VDAC1: variants seen among roughly 807,000 people sequenced by gnomAD.
VDAC1 encodes non-selective voltage-gated ion channel VDAC1.
In VDAC1, 10 loss-of-function variants were observed where a neutral mutation model predicts 34.7. The observed-to-expected ratio is 0.29, with a 90% CI of 0.18 to 0.49. The LOEUF (loss-of-function observed/expected upper bound fraction) is 0.49, where lower values mean the gene tolerates loss of function less well. VDAC1 is among the 20% of genes least tolerant of loss of function. The pLI is 0.99. For synonymous variants in VDAC1, 130 were observed against 136.0 expected (o/e 0.96, Z 0.30); for missense variants, 230 against 347.9 (o/e 0.66, Z 2.69).
the VDAC1 span, among the ~76,000 whole-genome samples, chr5:134,060,952 T>G: frequency 7.0e-6 from 1 of 142,346 alleles, no homozygotes; most frequent in Non-Finnish European, 1.5e-5. Flanking sequence ...ATCAGCTCAC[T>G]GCAACCTCCA....
chr5:134,061,088 C>T, the VDAC1 span, among the ~76,000 whole-genome samples: 1 of 150,308 alleles, frequency 6.7e-6, no homozygotes, highest in Non-Finnish European at 1.5e-5. Flanking sequence ...TGGTCTCGAA[C>T]TCCTGACCTC....
the VDAC1 span, among the ~76,000 whole-genome samples, chr5:134,049,485 T>C: frequency 2.0e-5 from 3 of 152,338 alleles, no homozygotes; most frequent in Admixed American, 1.3e-4. Context: ...ACTTGATGCA[T>C]AACCCAACTC....
chr5:134,021,061 G>A, the VDAC1 span, among the ~76,000 whole-genome samples: 15 of 151,788 alleles, frequency 9.9e-5, no homozygotes, highest in African/African-American at 3.4e-4. Context: ...CCAGCTACTC[G>A]GGAAGCTGAA....
chr5:134,047,496 G>C, the VDAC1 span, among the ~76,000 whole-genome samples: 2 of 152,200 alleles, frequency 1.3e-5, no homozygotes, highest in Non-Finnish European at 2.9e-5. Context: ...AAATGCTCTT[G>C]TGTCCAACTC....
the VDAC1 span, among the ~76,000 whole-genome samples, chr5:134,013,803 A>G: frequency 1.3e-5 from 2 of 151,874 alleles, no homozygotes; most frequent in East Asian, 1.9e-4. Context: ...TTAGCCAGGC[A>G]TGGTTGCGGG....
At chr5:134,085,722 T>TAAAAAAAAAAAAAAAAAAAAA in the VDAC1 span, among the ~76,000 whole-genome samples, 5 of 44,248 alleles carry the variant, frequency 1.1e-4, 1 homozygote, top group Non-Finnish European at 1.5e-4. Context: ...ACCCCATTTC[T>TAAAAAAAAAAAAAAAAAAAAA]AAAAAAAAAA....
At chr5:134,064,759 C>T in the VDAC1 span, among the ~76,000 whole-genome samples, 1 of 151,662 alleles carries the variant, frequency 6.6e-6, no homozygotes, top group African/African-American at 2.4e-5. Context: ...GCTCTATCAC[C>T]CAGGCTAGAG....
In VDAC1 at chr5:134,000,997, C is replaced by T. The variant is rs535497990; in HGVS notation, c.-7+3898G>A. 3.9e-5 allele frequency among the ~76,000 whole-genome samples: 6 copies of T among 152,316 alleles called. No homozygotes were observed. The East Asian group carries it at 7.7e-4, about 20-fold the overall frequency. On this transcript the variant is annotated intron_variant, in intron 1 of 8. Coordinates refer to ENST00000265333, the MANE Select transcript of VDAC1 (RefSeq NM_003374.3). The stretch of plus-strand genomic sequence containing the variant: ...GGACCCTTATAATAGACACTCAGCA[C>T]CACTGTCCTTGCAAGAAATAGAGGT...
At chr5:134,078,952 A>AT in the VDAC1 span, among the ~76,000 whole-genome samples, 9 of 141,804 alleles carry the variant, frequency 6.3e-5, no homozygotes, top group Non-Finnish European at 1.2e-4. Flanking sequence ...TGCCCGGTCT[A>AT]TTTTTTTTGA....
the VDAC1 span, among the ~76,000 whole-genome samples, chr5:134,044,551 T>A: frequency 1.4e-4 from 21 of 152,226 alleles, no homozygotes; most frequent in African/African-American, 5.1e-4. Flanking sequence ...AGAATAGGGC[T>A]CCATGGCACA....
At chr5:134,099,793 G>A in the VDAC1 span, among the ~76,000 whole-genome samples, 8 of 152,210 alleles carry the variant, frequency 5.3e-5, no homozygotes, top group Non-Finnish European at 8.8e-5. Context: ...AAGTTGCCCA[G>A]GCCGGTCTCA....
chr5:134,022,430 T>C, the VDAC1 span, among the ~76,000 whole-genome samples: 1 of 152,176 alleles, frequency 6.6e-6, no homozygotes, highest in Non-Finnish European at 1.5e-5. Context: ...TTGTGTATCA[T>C]CCCATAGTGG....
chr5:134,016,705 T>C, the VDAC1 span, among the ~76,000 whole-genome samples: 1 of 152,092 alleles, frequency 6.6e-6, no homozygotes, highest in African/African-American at 2.4e-5. Context: ...AATAGAAAAA[T>C]AAAAATAAAA....
the VDAC1 span, among the ~76,000 whole-genome samples, chr5:134,016,644 T>C: frequency 6.6e-6 from 1 of 152,216 alleles, no homozygotes; most frequent in African/African-American, 2.4e-5. Context: ...GGCACCACTT[T>C]GTTTTTTATT....
chr5:134,011,287 C>G, the VDAC1 span, among the ~76,000 whole-genome samples: 2 of 152,160 alleles, frequency 1.3e-5, no homozygotes, highest in African/African-American at 2.4e-5. Context: ...GTGTGAGCCA[C>G]TGCGCCCAGC....
the VDAC1 span, among the ~76,000 whole-genome samples, chr5:134,038,608 T>C: frequency 3.3e-5 from 5 of 152,144 alleles, no homozygotes. Flanking sequence ...AGCTACAGCA[T>C]TGTTTTGTGA....
At chr5:134,056,318 A>G in the VDAC1 span, among the ~76,000 whole-genome samples, 1 of 151,920 alleles carries the variant, frequency 6.6e-6, no homozygotes, top group African/African-American at 2.4e-5. Flanking sequence ...TTTTGCATAA[A>G]TCAGTACATA....
chr5:134,101,644 A>T, the VDAC1 span, among the ~76,000 whole-genome samples: 1 of 152,002 alleles, frequency 6.6e-6, no homozygotes, highest in Non-Finnish European at 1.5e-5. Flanking sequence ...ATGTGAGTTA[A>T]CATTGTTCCT....
chr5:134,056,820 A>G, the VDAC1 span, among the ~76,000 whole-genome samples: 2 of 152,124 alleles, frequency 1.3e-5, no homozygotes, highest in Non-Finnish European at 2.9e-5. Context: ...CGAGTAGCTG[A>G]GATTACAGGC....
Sources: gnomAD v4.1 joint callset for allele counts (sites outside exome capture counted in the v4.1 genomes callset) on GRCh38, gnomAD v4.1.1 for gene constraint, MANE v1.5 for transcripts, NCBI Gene and HGNC (gene_info 2026-07-23, HGNC 2026-07-21) for gene names.